Variants in RBFOX2 observed in about 807,000 individuals in gnomAD.
RBFOX2 encodes RNA binding protein fox-1 homolog 2.
In RBFOX2, 10 loss-of-function variants were observed where a neutral mutation model predicts 49.1. That is an observed-to-expected ratio of 0.20 (90% CI 0.13 to 0.35). RBFOX2 has a LOEUF of 0.35. Among genes scored for constraint, RBFOX2 ranks in the 10% least tolerant of loss-of-function variants. The pLI is 1.00. For synonymous variants in RBFOX2, 183 were observed against 187.4 expected, an observed-to-expected ratio of 0.98 and a Z score of 0.19; for missense variants, 323 against 486.9, an observed-to-expected ratio of 0.66 and a Z score of 3.17.
At chr22:35,849,340 CAG>C (rs2041635256) in intron 1 of RBFOX2, among the ~76,000 whole-genome samples, 1 of 149,856 alleles carries the variant, frequency 6.7e-6, no homozygotes, top group Admixed American at 6.8e-5. Context: ...CACAGACACA[CAG>C]AATCTCTCCA....
At chr22:35,822,324 T>C (rs957307887) in intron 1 of RBFOX2, among the ~76,000 whole-genome samples, 3 of 152,242 alleles carry the variant, frequency 2.0e-5, no homozygotes, top group Non-Finnish European at 4.4e-5. Flanking sequence ...TGTTTGCTCT[T>C]CATTATACCT....
At chr22:35,818,983 A>G (rs1387656552) in intron 1 of RBFOX2, among the ~76,000 whole-genome samples, 1 of 152,184 alleles carries the variant, frequency 6.6e-6, no homozygotes, top group African/African-American at 2.4e-5. Context: ...AATTTTCCCT[A>G]TCCCTTTCCC....
intron 2 of RBFOX2, among the ~76,000 whole-genome samples, chr22:35,798,365 A>G (rs1309285511): frequency 6.6e-6 from 1 of 152,234 alleles, no homozygotes; most frequent in African/African-American, 2.4e-5. Flanking sequence ...CTAGCACAGT[A>G]ATGTGCACAT....
chr22:36,011,179 A>G lies in RBFOX2; in HGVS notation c.186+17061T>C, dbSNP rs147687454. Among the ~76,000 whole-genome samples, 35 of 152,254 alleles carry G rather than the reference A, an allele frequency of 2.3e-4. 1 individual carries two copies. The highest frequency in any genetic ancestry group is 8.4e-4 in the African/African-American group (35 of 41,540). ...AACTCAATGACATATACGATAGCTGACCCACAATGTGCCCCACCAGTGCAA... is the reference window on the plus strand; with the variant it reads ...AACTCAATGACATATACGATAGCTGGCCCACAATGTGCCCCACCAGTGCAA... On this transcript the variant is annotated intron_variant, in intron 1 of 13. Coordinates refer to the RBFOX2 transcript ENST00000438146.
intron 1 of RBFOX2, among the ~76,000 whole-genome samples, chr22:35,881,002 C>T (rs1603432954): frequency 6.6e-6 from 1 of 152,316 alleles, no homozygotes; most frequent in East Asian, 1.9e-4. Flanking sequence ...TGGTGGCTCA[C>T]GCCTGTAATC....
intron 1 of RBFOX2, among the ~76,000 whole-genome samples, chr22:35,978,800 G>C (rs2057321048): frequency 6.6e-6 from 1 of 152,168 alleles, no homozygotes; most frequent in Admixed American, 6.5e-5. Flanking sequence ...CTTTGTAACA[G>C]AATGACATCT....
chr22:35,775,690 A>G (rs1239693492), intron 4 of RBFOX2, among the ~76,000 whole-genome samples: 2 of 151,718 alleles, frequency 1.3e-5, no homozygotes, highest in South Asian at 2.1e-4. Context: ...AAATACCAAA[A>G]ATTAGCTAGG....
intron 1 of RBFOX2, among the ~76,000 whole-genome samples, chr22:35,909,028 T>G (rs998203442): frequency 1.3e-5 from 2 of 152,164 alleles, no homozygotes; most frequent in African/African-American, 2.4e-5. Context: ...ATTTTTAGTA[T>G]AGACAGGGTT....
chr22:35,941,902 T>C (rs2053729417), upstream of RBFOX2, among the ~76,000 whole-genome samples: 1 of 152,204 alleles, frequency 6.6e-6, no homozygotes. Context: ...TATTTGGAAC[T>C]CTCAAGCCCT....
upstream of RBFOX2, among the ~76,000 whole-genome samples, chr22:35,843,792 G>A (rs987089033): frequency 6.6e-6 from 1 of 152,100 alleles, no homozygotes; most frequent in Non-Finnish European, 1.5e-5. Context: ...TTAACCCAAA[G>A]TGCATGGTTC....
chr22:35,818,400 A>G (rs1021704703), intron 1 of RBFOX2, among the ~76,000 whole-genome samples: 1 of 152,182 alleles, frequency 6.6e-6, no homozygotes, highest in African/African-American at 2.4e-5. Flanking sequence ...TCTTTTTCTC[A>G]ACCAAACTTT....
At chr22:35,966,079 C>CACCAT (rs1277762136), upstream of RBFOX2, among the ~76,000 whole-genome samples, 1 of 152,136 alleles carries the variant, frequency 6.6e-6, no homozygotes, top group Non-Finnish European at 1.5e-5. Flanking sequence ...CTTTATTTAA[C>CACCAT]ACCATAAATT....
At chr22:35,900,753 C>T (rs1234907739) in intron 1 of RBFOX2, among the ~76,000 whole-genome samples, 1 of 152,130 alleles carries the variant, frequency 6.6e-6, no homozygotes, top group Admixed American at 6.5e-5. Context: ...ACTGGAAACT[C>T]CTTAGATTTG....
At chr22:35,917,567 G>C (rs1247200603) in intron 1 of RBFOX2, among the ~76,000 whole-genome samples, 1 of 152,234 alleles carries the variant, frequency 6.6e-6, no homozygotes, top group African/African-American at 2.4e-5. Context: ...TGTTAGGTTA[G>C]TGTAGCAGCA....
intron 1 of RBFOX2, among the ~76,000 whole-genome samples, chr22:35,918,292 A>G (rs1241872569): frequency 6.6e-6 from 1 of 152,238 alleles, no homozygotes; most frequent in Non-Finnish European, 1.5e-5. Flanking sequence ...CATTTTATGA[A>G]GGTATCTCTA....
intron 1 of RBFOX2, among the ~76,000 whole-genome samples, chr22:35,990,883 AG>A (rs1398007392): frequency 2.0e-5 from 3 of 152,206 alleles, no homozygotes; most frequent in Non-Finnish European, 4.4e-5. Flanking sequence ...CCAAGGGTAT[AG>A]GATTTTATGT....
chr22:35,844,422 T>C (rs2040900814), upstream of RBFOX2, among the ~76,000 whole-genome samples: 1 of 152,244 alleles, frequency 6.6e-6, no homozygotes, highest in African/African-American at 2.4e-5. Flanking sequence ...AGCACCTATG[T>C]AGTTATCAAA....
intron 10 of RBFOX2, 85 bp from the exon 13 acceptor site, chr22:35,746,080 T>C (rs1274717466): frequency 1.9e-5 from 22 of 1,187,238 alleles, no homozygotes; most frequent in Non-Finnish European, 2.7e-5. Flanking sequence ...TTAAGACTTG[T>C]GAGTCACTTG....
chr22:36,018,767 C>G (rs1319631073), intron 1 of RBFOX2, among the ~76,000 whole-genome samples: 1 of 152,210 alleles, frequency 6.6e-6, no homozygotes, highest in Non-Finnish European at 1.5e-5. Context: ...GCATGCGCCA[C>G]CACGCCCAGC....
Sources: allele counts gnomAD v4.1 joint callset (sites outside exome capture counted in the v4.1 genomes callset), GRCh38; gene constraint gnomAD v4.1.1; transcripts MANE v1.5; gene names NCBI Gene and HGNC (gene_info 2026-07-23, HGNC 2026-07-21).